CPPED1: variants seen among roughly 807,000 people sequenced by gnomAD.
The protein encoded by CPPED1 is serine/threonine-protein phosphatase CPPED1.
CPPED1 carries 28 observed loss-of-function variants against 28.0 expected under a neutral mutation model. That is an observed-to-expected ratio of 1.00 (90% CI 0.74 to 1.37). The LOEUF (loss-of-function observed/expected upper bound fraction) is 1.37. Ranked by LOEUF, CPPED1 falls within the 40% of genes most tolerant of loss-of-function variation. CPPED1 has a pLI of 0.00. For synonymous variants in CPPED1, 198 were observed against 180.2 expected (o/e 1.10, Z -0.79); for missense variants, 504 against 416.5 (o/e 1.21, Z -1.83).
chr16:12,753,489 G>C (rs530617543), intron 2 of CPPED1: 6 of 152,436 alleles, frequency 3.9e-5, no homozygotes, highest in African/African-American at 1.4e-4. Flanking sequence ...TGCGGTCCCA[G>C]TGATGGCAAA....
chr16:12,739,300 C>T (rs1438444724), intron 2 of CPPED1, among the ~76,000 whole-genome samples: 1 of 152,114 alleles, frequency 6.6e-6, no homozygotes, highest in Non-Finnish European at 1.5e-5. Flanking sequence ...AAAGTGCTGG[C>T]CAGGCACAGT....
At chr16:12,790,681 G>T (rs2141244236) in intron 1 of CPPED1, among the ~76,000 whole-genome samples, 1 of 152,250 alleles carries the variant, frequency 6.6e-6, no homozygotes, top group South Asian at 2.1e-4. Context: ...AGCACTTTGG[G>T]AGGCCGAGTG....
At chr16:12,753,661 A>G (rs2080345424) in intron 2 of CPPED1, among the ~76,000 whole-genome samples, 1 of 152,038 alleles carries the variant, frequency 6.6e-6, no homozygotes, top group African/African-American at 2.4e-5. Flanking sequence ...ATACATTCAT[A>G]AATTCCCCCT....
intron 2 of CPPED1, among the ~76,000 whole-genome samples, chr16:12,778,438 G>A (rs529397050): frequency 4.0e-4 from 60 of 150,268 alleles, no homozygotes; most frequent in Non-Finnish European, 6.8e-4. Context: ...CACCATGCCC[G>A]GCTAATTTTT....
rs925252809 is a variant in CPPED1, at chr16:12,664,926, C to T, written c.905G>A (p.Gly302Glu). The T allele has an allele frequency of 6.2e-7, 1 of 1,607,490 alleles. No individual in the cohort carries two copies. Among genetic ancestry groups the T allele is most frequent in the Non-Finnish European group, 8.5e-7 (1 of 1,177,834 alleles). ...YYSLDELSEK[G>E]IEDDLMDLIK... ...CAAATCCATGAGATCGTCTTCTATTCCTTTCTCACTCAGCTCATCTAGACT... is the reference window on the plus strand; with the variant it reads ...CAAATCCATGAGATCGTCTTCTATTTCTTTCTCACTCAGCTCATCTAGACT... Residue 302 changes from glycine to glutamate, a missense_variant, in exon 4 of 4, where the codon GGA becomes GAA. Physicochemically the swap from Gly to Glu is moderately conservative, Grantham distance 98. Transcript: ENST00000381774. The surrounding 1 kb of genome is among the most constrained non-coding windows in gnomAD (Gnocchi z 4.2).
chr16:12,734,444 A>G (rs2080216497), intron 2 of CPPED1, among the ~76,000 whole-genome samples: 1 of 151,406 alleles, frequency 6.6e-6, no homozygotes, highest in South Asian at 2.1e-4. Context: ...CAGTGGTGCT[A>G]TCTCAGCTCA....
At chr16:12,679,429 A>T (rs535480153) in intron 3 of CPPED1, among the ~76,000 whole-genome samples, 2 of 152,348 alleles carry the variant, frequency 1.3e-5, no homozygotes, top group East Asian at 1.9e-4. Context: ...CAGAATATCA[A>T]ACAAAAGAAA....
rs188503450 is a variant in CPPED1, at chr16:12,755,262, C to T, written c.289+25923G>A. 7.7e-4 allele frequency among the ~76,000 whole-genome samples: 115 copies of T among 149,428 alleles called. 1 individual carries two copies. The highest frequency in any genetic ancestry group is 2.5e-3 in the African/African-American group (101 of 40,758). On this transcript the variant is annotated intron_variant, in intron 2 of 3. Coordinates refer to ENST00000381774, the MANE Select transcript of CPPED1 (RefSeq NM_018340.3). ...ACATTCTCTCAGGGTAACCTTCTCACAAGCATACAGTATGCATTCTTTTTT... is the reference window on the plus strand; with the variant it reads ...ACATTCTCTCAGGGTAACCTTCTCATAAGCATACAGTATGCATTCTTTTTT...
In CPPED1 at chr16:12,801,508, A is replaced by C. The variant is rs142321807; in HGVS notation, c.70+2199T>G. Among the ~76,000 whole-genome samples the C allele has an allele frequency of 3.1e-3, 469 of 152,162 alleles. 3 individuals are homozygous for C. Among genetic ancestry groups the C allele is most frequent in the African/African-American group, 0.01 (434 of 41,502 alleles). ...GGAACTCTCATATACTGCTGGTGGG[A>C]GTATAAATTGGCACTACCACTTTGG... On this transcript the variant is annotated intron_variant, in intron 1 of 3. Coordinates refer to ENST00000381774, the MANE Select transcript of CPPED1 (RefSeq NM_018340.3).
chr16:12,771,600 T>C (rs1333848553), intron 2 of CPPED1, among the ~76,000 whole-genome samples: 1 of 152,240 alleles, frequency 6.6e-6, no homozygotes, highest in Non-Finnish European at 1.5e-5. Flanking sequence ...GCTTTGGTTT[T>C]CAAAATTATG....
chr16:12,766,256 T>TATATAGAGAG lies in CPPED1; in HGVS notation c.289+14928_289+14929insCTCTCTATAT. On this transcript the variant is annotated intron_variant, in intron 2 of 3. Coordinates refer to ENST00000381774, the MANE Select transcript of CPPED1 (RefSeq NM_018340.3). ...AAAAAAATACAAATATATATATATA[T>TATATAGAGAG]AGAGAGAGAGAGAGAGAGAGGGAGA... Among the ~76,000 whole-genome samples, 10 of 134,290 alleles carry TATATAGAGAG rather than the reference T, an allele frequency of 7.4e-5. 1 individual carries two copies. The highest frequency in any genetic ancestry group is 1.4e-4 in the Admixed American group (2 of 14,192). 88.1% of individuals were successfully genotyped at this position (134,290 alleles called of 152,430 possible).
At chr16:12,760,321 T>C (rs943234887) in intron 2 of CPPED1, 2 of 152,190 alleles carry the variant, frequency 1.3e-5, no homozygotes, top group Admixed American at 6.5e-5. Flanking sequence ...CAATCCTCCA[T>C]GGATACCAAA....
At chr16:12,705,825 T>C (rs569751552) in intron 2 of CPPED1, among the ~76,000 whole-genome samples, 156 of 152,344 alleles carry the variant, frequency 1.0e-3, no homozygotes, top group African/African-American at 3.6e-3. Context: ...GTTCTTTCAC[T>C]GTTGAATACC....
At chr16:12,772,147 A>AC (rs2080473899) in intron 2 of CPPED1, among the ~76,000 whole-genome samples, 1 of 152,108 alleles carries the variant, frequency 6.6e-6, no homozygotes, top group Non-Finnish European at 1.5e-5. Context: ...ACAAAACAAA[A>AC]AAAAACAAAA....
intron 2 of CPPED1, among the ~76,000 whole-genome samples, chr16:12,747,205 G>A (rs931742024): frequency 1.1e-4 from 17 of 151,888 alleles, no homozygotes; most frequent in Admixed American, 3.3e-4. Flanking sequence ...TGAGGTGGGC[G>A]GATTGCTTGA....
intron 1 of CPPED1, among the ~76,000 whole-genome samples, chr16:12,801,948 C>T (rs926470624): frequency 5.9e-5 from 9 of 152,126 alleles, no homozygotes; most frequent in Middle Eastern, 3.2e-3. Flanking sequence ...AGAAAAGGAG[C>T]GACCTTGACC....
At chr16:12,713,448 C>A (rs761802328) in intron 2 of CPPED1, among the ~76,000 whole-genome samples, 1 of 152,158 alleles carries the variant, frequency 6.6e-6, no homozygotes, top group Admixed American at 6.5e-5. Flanking sequence ...TTGCTGCAAT[C>A]TCTGCCTCCT....
intron 1 of CPPED1, among the ~76,000 whole-genome samples, chr16:12,788,069 T>C (rs1389648825): frequency 6.6e-6 from 1 of 152,238 alleles, no homozygotes; most frequent in African/African-American, 2.4e-5. Flanking sequence ...CCTTGCCATA[T>C]GGGCCTCTCC....
chr16:12,675,234 A>T (rs925663594), intron 3 of CPPED1, among the ~76,000 whole-genome samples: 4 of 152,246 alleles, frequency 2.6e-5, no homozygotes, highest in Admixed American at 1.3e-4. Flanking sequence ...CAGCCTGGGC[A>T]TCAGTCATCT....
Sources: allele counts gnomAD v4.1 joint callset (sites outside exome capture counted in the v4.1 genomes callset), GRCh38; gene constraint gnomAD v4.1.1; non-coding constraint Gnocchi (gnomAD v3.1); transcripts MANE v1.5; gene names NCBI Gene and HGNC (gene_info 2026-07-23, HGNC 2026-07-21).